Variants in MLLT3 observed in about 807,000 individuals in gnomAD.
MLLT3 encodes the protein protein AF-9.
Under a neutral mutation model 53.2 loss-of-function variants are expected in MLLT3, and 4 were observed. That is an observed-to-expected ratio of 0.08 (90% CI 0.04 to 0.17). The LOEUF is 0.17. Ranked by LOEUF, MLLT3 falls within the 10% of genes least tolerant of loss-of-function variation. MLLT3 has a pLI of 1.00. For synonymous variants in MLLT3, 283 were observed against 230.6 expected (o/e 1.23, Z -2.06); for missense variants, 569 against 684.0 (o/e 0.83, Z 1.87).
At chr9:20,600,679 C>G (rs1820398549) in intron 2 of MLLT3, among the ~76,000 whole-genome samples, 1 of 152,170 alleles carries the variant, frequency 6.6e-6, no homozygotes, top group Non-Finnish European at 1.5e-5. Flanking sequence ...CCTTCACACA[C>G]CATCTTAAAC....
intron 2 of MLLT3, among the ~76,000 whole-genome samples, chr9:20,532,378 GA>G (rs1818365339): frequency 6.6e-6 from 1 of 151,948 alleles, no homozygotes. Context: ...AAAATTTGTG[GA>G]ATAGTAAAAG....
chr9:20,525,427 C>T (rs1430009600), intron 2 of MLLT3, among the ~76,000 whole-genome samples: 5 of 152,120 alleles, frequency 3.3e-5, no homozygotes, highest in Admixed American at 6.5e-5. Context: ...ACCCGGAAGG[C>T]GGAGGTTACA....
chr9:20,534,503 T>C (rs1431612134), intron 2 of MLLT3, among the ~76,000 whole-genome samples: 3 of 152,242 alleles, frequency 2.0e-5, no homozygotes, highest in Non-Finnish European at 2.9e-5. Flanking sequence ...CCCTTCATTT[T>C]TCACTCTGCT....
At chr9:20,445,737 G>A (rs904544287) in intron 4 of MLLT3, among the ~76,000 whole-genome samples, 1 of 152,126 alleles carries the variant, frequency 6.6e-6, no homozygotes, top group African/African-American at 2.4e-5. Flanking sequence ...ATTAAGATGA[G>A]AAGAGAGGTT....
chr9:20,592,909 T>A (rs984631488), intron 2 of MLLT3, among the ~76,000 whole-genome samples: 1 of 152,194 alleles, frequency 6.6e-6, no homozygotes, highest in African/African-American at 2.4e-5. Flanking sequence ...GACAAGTTCC[T>A]TTCTCATCCA....
At chr9:20,513,369 C>T (rs894157873) in intron 2 of MLLT3, among the ~76,000 whole-genome samples, 1 of 152,188 alleles carries the variant, frequency 6.6e-6, no homozygotes, top group East Asian at 1.9e-4. Flanking sequence ...AAATACAACA[C>T]AAACATGTGA....
chr9:20,587,898 A>C (rs1820017703), intron 2 of MLLT3, among the ~76,000 whole-genome samples: 1 of 152,060 alleles, frequency 6.6e-6, no homozygotes, highest in Non-Finnish European at 1.5e-5. Context: ...TTGGTGTTTT[A>C]GACATGAAGT....
At chr9:20,619,110 A>T (rs1820919082) in intron 2 of MLLT3, among the ~76,000 whole-genome samples, 1 of 152,226 alleles carries the variant, frequency 6.6e-6, no homozygotes, top group African/African-American at 2.4e-5. Context: ...CAACCTCATC[A>T]GCGATAGAAA....
At chr9:20,602,801 A>T (rs1310778189) in intron 2 of MLLT3, among the ~76,000 whole-genome samples, 2 of 129,146 alleles carry the variant, frequency 1.5e-5, no homozygotes, top group Non-Finnish European at 3.6e-5. Flanking sequence ...CACACACAGC[A>T]TATGCACACA....
chr9:20,553,525 C>T (rs533539090), intron 2 of MLLT3, among the ~76,000 whole-genome samples: 2 of 152,326 alleles, frequency 1.3e-5, no homozygotes, highest in South Asian at 4.1e-4. Context: ...AACAAACACA[C>T]TGAACACCTC....
chr9:20,537,092 A>G (rs1223408399), intron 2 of MLLT3, among the ~76,000 whole-genome samples: 2 of 152,256 alleles, frequency 1.3e-5, no homozygotes, highest in Non-Finnish European at 2.9e-5. Context: ...CAATTATTTA[A>G]GGCCATATAT....
intron 7 of MLLT3, among the ~76,000 whole-genome samples, chr9:20,361,307 C>A (rs558814561): frequency 6.6e-6 from 1 of 152,306 alleles, no homozygotes. Flanking sequence ...ATTTTCCTTT[C>A]CTCCTCCCTC....
chr9:20,566,415 G>A (rs1226610650), intron 2 of MLLT3, among the ~76,000 whole-genome samples: 4 of 152,006 alleles, frequency 2.6e-5, no homozygotes, highest in African/African-American at 7.2e-5. Context: ...ACACGCTTAG[G>A]ACAAGTTCAA....
At chr9:20,526,834 G>C (rs576635410) in intron 2 of MLLT3, among the ~76,000 whole-genome samples, 1 of 152,136 alleles carries the variant, frequency 6.6e-6, no homozygotes, top group Non-Finnish European at 1.5e-5. Flanking sequence ...AGCAATTCTG[G>C]TGGTGGTGTA....
intron 2 of MLLT3, among the ~76,000 whole-genome samples, chr9:20,481,104 C>T (rs542450492): frequency 2.6e-5 from 4 of 152,104 alleles, no homozygotes; most frequent in African/African-American, 9.7e-5. Context: ...ATGACAGGAA[C>T]CTCAAGTAAA....
chr9:20,428,845 T>C (rs1823197504), intron 4 of MLLT3, among the ~76,000 whole-genome samples: 2 of 152,036 alleles, frequency 1.3e-5, no homozygotes, highest in African/African-American at 4.8e-5. Context: ...CAGATAAGAA[T>C]ATATCATAAA....
At chr9:20,424,681 G>A (rs1823099354) in intron 4 of MLLT3, among the ~76,000 whole-genome samples, 1 of 152,106 alleles carries the variant, frequency 6.6e-6, no homozygotes. Context: ...TAACATTTTA[G>A]CTGCAAATAA....
At chr9:20,357,981 GCACACACACA>G (rs3222132) in intron 8 of MLLT3, among the ~76,000 whole-genome samples, 11 of 139,454 alleles carry the variant, frequency 7.9e-5, no homozygotes, top group East Asian at 4.2e-4. Flanking sequence ...TCCCTCCTGC[GCACACACACA>G]CACACACACA....
chr9:20,497,115 T>C (rs1476209005), intron 2 of MLLT3, among the ~76,000 whole-genome samples: 2 of 152,266 alleles, frequency 1.3e-5, no homozygotes, highest in African/African-American at 4.8e-5. Flanking sequence ...AAATGGTTTC[T>C]TGTCATTAAA....
Sources: gnomAD v4.1 joint callset for allele counts (sites outside exome capture counted in the v4.1 genomes callset) on GRCh38, gnomAD v4.1.1 for gene constraint, MANE v1.5 for transcripts, NCBI Gene and HGNC (gene_info 2026-07-23, HGNC 2026-07-21) for gene names.